Variants in TPR observed in about 807,000 individuals in gnomAD.
The protein encoded by TPR is translocated promoter region, nuclear basket protein.
In TPR, 51 loss-of-function variants were observed where a neutral mutation model predicts 316.1. The ratio of observed to expected loss-of-function variants is 0.16; its 90% confidence interval spans 0.13 to 0.20. The LOEUF is 0.20. TPR is among the 10% of genes least tolerant of loss of function. The pLI, the probability that TPR is intolerant of heterozygous loss-of-function variation, is 1.00. For missense variants in TPR, 2,272 were observed against 2,754.8 expected (o/e 0.82, Z 3.92); for synonymous variants, 981 against 914.7 (o/e 1.07, Z -1.31).
At chr1:186,374,176 G>A (rs978272442) in intron 1 of TPR, among the ~76,000 whole-genome samples, 3 of 151,846 alleles carry the variant, frequency 2.0e-5, no homozygotes, top group Admixed American at 6.6e-5. Context: ...ACACATTAAC[G>A]GGAAGTTTGT....
At position 186,318,518 on chromosome 1, in the gene TPR, A is replaced by AGTG; in HGVS notation, c.6747_6749dup (p.Thr2250dup). On this transcript the variant is annotated inframe_insertion, in exon 48 of 51. Coordinates refer to ENST00000367478, the MANE Select transcript of TPR (RefSeq NM_003292.3). Reference sequence around the variant, plus strand: ...TTGCTGTTTCATTTGTTGTAGATAAAGTGCCAGTGGATGTAGTCACCATTG... The same window carrying AGTG: ...TTGCTGTTTCATTTGTTGTAGATAAAGTGGTGCCAGTGGATGTAGTCACCATTG... The AGTG allele has an allele frequency of 6.2e-7, 1 of 1,614,128 alleles. No homozygotes were observed. Among genetic ancestry groups the AGTG allele is most frequent in the Non-Finnish European group, 8.5e-7 (1 of 1,180,022 alleles).
Position 186,335,504 on chromosome 1 carries a change from T to C in TPR, c.4745A>G (p.Lys1582Arg). ...DQLTKENEELKQRNGALDQQK... is the reference protein window; with the variant it reads ...DQLTKENEELRQRNGALDQQK... Reference sequence around the variant, plus strand: ...CTGATCTAAGGCTCCATTCCTTTGTTTAAGCTCCTCATTTTCTTTAGTTAG... The same window carrying C: ...CTGATCTAAGGCTCCATTCCTTTGTCTAAGCTCCTCATTTTCTTTAGTTAG... Residue 1582 changes from lysine to arginine, a missense_variant, in exon 34 of 51, where the codon AAA (lysine) becomes AGA (arginine). Lys to Arg is a conservative substitution (Grantham distance 26, BLOSUM62 2). This residue lies in a region of TPR where 109 missense variants were observed against 215.3 expected (regional missense o/e 0.51). Transcript: ENST00000367478. 3.1e-6 allele frequency: 5 copies of C among 1,610,282 alleles called. No individual in the cohort carries two copies. Among genetic ancestry groups the C allele is most frequent in the Non-Finnish European group, 4.2e-6 (5 of 1,178,456 alleles).
At position 186,343,462 on chromosome 1, in the gene TPR, C is replaced by T. The variant is rs1283219046; in HGVS notation, c.3614G>A (p.Arg1205Gln). Residue 1205 changes from arginine to glutamine, a missense_variant, in exon 27 of 51, where the codon CGA becomes CAA. By Grantham distance (43) the Arg-to-Gln change is conservative. Coordinates refer to ENST00000367478, the MANE Select transcript of TPR (RefSeq NM_003292.3). Reference protein sequence around the residue: ...QILEILRFIRREKEIAETRFE... With the variant: ...QILEILRFIRQEKEIAETRFE... ...CCTAGTTTCAGCAATTTCTTTTTCT[C>T]GTCGTATAAATCTACAAAAATACAG... The T allele has an allele frequency of 9.3e-6, 15 of 1,612,288 alleles. No individual in the cohort carries two copies. Among genetic ancestry groups the T allele is most frequent in the African/African-American group, 1.3e-5 (1 of 74,866 alleles).
rs1186844773 is a variant in TPR at position 186,353,810 on chromosome 1, C to G, written c.2212G>C (p.Glu738Gln). ...TTTCTCTCATGAAGTGATGTTATTT[C>G]TCGACGATATCCTTCAACATTATCT... Reference protein sequence around the residue: ...LQDNVEGYRREITSLHERNQK... With the variant: ...LQDNVEGYRRQITSLHERNQK... The change falls in exon 18 of 51, where the codon GAA (glutamate) becomes CAA (glutamine). Residue 738 changes from glutamate (E) to glutamine (Q), a missense_variant. By Grantham distance (29) the Glu-to-Gln change is conservative (BLOSUM62 2). Coordinates refer to ENST00000367478, the MANE Select transcript of TPR (RefSeq NM_003292.3). 6.2e-7 allele frequency: 1 copy of G among 1,613,906 alleles called. No individual in the cohort carries two copies. Among genetic ancestry groups the G allele is most frequent in the African/African-American group, 1.3e-5 (1 of 74,918 alleles).
rs746592032 is a variant in TPR, at chr1:186,375,012, T to G, written c.17A>C (p.Gln6Pro). 2 of 1,613,976 alleles carry G rather than the reference T, an allele frequency of 1.2e-6. No individual in the cohort carries two copies. Among genetic ancestry groups the G allele is most frequent in the Non-Finnish European group, 1.7e-6 (2 of 1,179,996 alleles). Residue 6 changes from glutamine (Q) to proline (P), a missense_variant, in exon 1 of 51, where the codon CAG becomes CCG. Physicochemically the swap from Gln to Pro is moderately conservative, Grantham distance 76 (BLOSUM62 -1). Transcript: ENST00000367478. The part of the protein sequence containing the change: MAAVL[Q>P]QVLERTELNK... ...CAGCTCCGTGCGCTCCAGGACTTGC[T>G]GCAACACCGCCGCCATGTCGGTGGG...
At position 186,362,934 on chromosome 1, in the gene TPR, T is replaced by G. The variant is rs186229244; in HGVS notation, c.599A>C (p.Glu200Ala). The G allele has an allele frequency of 1.5e-3, 2,375 of 1,611,762 alleles. 5 individuals are homozygous for G. The highest frequency in any genetic ancestry group is 2.9e-3 in the Admixed American group (173 of 59,738). Residue 200 changes from glutamate (E) to alanine (A), a missense_variant, in exon 6 of 51, where the codon GAG (glutamate) becomes GCG (alanine). Glu to Ala is a moderately radical substitution (Grantham distance 107). Around this residue, in one of 10 missense-constraint regions of TPR, gnomAD observed 549 missense variants for 598.6 expected, o/e 0.92. Transcript: ENST00000367478. Reference protein sequence around the residue: ...LHSQNTWLNTELKTKTDELLA... With the variant: ...LHSQNTWLNTALKTKTDELLA... ...AAGTTCATCAGTTTTGGTTTTCAAC[T>G]CTGTATTCAGCCATGTATTCTGACT...
rs1002872612 is a variant in TPR at position 186,362,975 on chromosome 1, T to C, written c.558A>G (p.Glu186=). The C allele has an allele frequency of 1.9e-6, 3 of 1,604,610 alleles. No individual in the cohort carries two copies. In the African/African-American group the frequency reaches 4.0e-5, roughly 22 times the overall value. ...TATTCTGACTATGTAGCAATTCCTT[T>C]TCTTGCTCCAAGCGTTTTTCTCGAT... The part of the protein sequence containing the change: ...VKYREKRLEQ[E]KELLHSQNTW... Residue 186 remains glutamate (E), a synonymous_variant, in exon 6 of 51, where the codon GAA becomes GAG. Transcript: ENST00000367478.
At position 186,331,622 on chromosome 1, in the gene TPR, G is replaced by A. The variant is rs1456857425; in HGVS notation, c.5605-41C>T. The A allele has an allele frequency of 1.1e-5, 15 of 1,324,622 alleles. No individual in the cohort carries two copies. The South Asian group carries it at 1.8e-4, about 16-fold the overall frequency. The allele number at this position is 1,324,622 out of a possible 1,614,324, so 82.1% of individuals were successfully genotyped here. A position where few individuals can be genotyped will look rare whatever the true frequency, so the allele number is the denominator to read the frequency against. ...CTAATATATTAACCATATCAGTGTA[G>A]TAGATGAAGGGTTACCTGTTTTTGT... On this transcript the variant is annotated intron_variant, in intron 38 of 50. Coordinates refer to ENST00000367478, the MANE Select transcript of TPR (RefSeq NM_003292.3).
rs1416409130 is a variant in TPR at position 186,350,271 on chromosome 1, T to A, written c.2728A>T (p.Asn910Tyr). Residue 910 changes from asparagine to tyrosine, a missense_variant, in exon 21 of 51, where the codon AAT becomes TAT. Physicochemically the swap from Asn to Tyr is moderately radical, Grantham distance 143 (BLOSUM62 -2). This residue lies in a region of TPR where 757 missense variants were observed against 859.8 expected (regional missense o/e 0.88). Transcript: ENST00000367478. Reference protein sequence around the residue: ...EIATLKQHLSNMEVQVASQSS... With the variant: ...EIATLKQHLSYMEVQVASQSS... ...TGAGAAGCAACTTGGACTTCCATAT[T>A]ACTGAGGTGCTGTTTCAATGTGGCA... 6.2e-7 allele frequency: 1 copy of A among 1,613,736 alleles called. No individual in the cohort carries two copies. Among genetic ancestry groups the A allele is most frequent in the Admixed American group, 1.7e-5 (1 of 59,992 alleles).
At chr1:186,315,238 A>G (rs1050176440) in intron 49 of TPR, among the ~76,000 whole-genome samples, 5 of 151,796 alleles carry the variant, frequency 3.3e-5, no homozygotes, top group African/African-American at 1.2e-4. Context: ...ACAAAAAAAA[A>G]ACACCAAAAA....
chr1:186,313,892 A>T lies in TPR; in HGVS notation c.*79T>A. The T allele has an allele frequency of 6.5e-7, 1 of 1,528,052 alleles. No homozygotes were observed. Among genetic ancestry groups the T allele is most frequent in the Non-Finnish European group, 9.1e-7 (1 of 1,103,928 alleles). The allele number at this position is 1,528,052 out of a possible 1,614,324, so 94.7% of individuals were successfully genotyped here. On this transcript the variant is annotated 3_prime_UTR_variant, in exon 51 of 51. Transcript: ENST00000367478. ...ATGAGTATACCAGTTTATATATAAA[A>T]ATGTTTTTAAACTTGACAATCATTA...
chr1:186,352,224 G>A lies in TPR; in HGVS notation c.2335-114C>T, dbSNP rs1658883537. ...ACTACTTTTTTTTAATGCTCTTAGGGACTATATCTCCTCATTGTATAAGGA... is the reference window on the plus strand; with the variant it reads ...ACTACTTTTTTTTAATGCTCTTAGGAACTATATCTCCTCATTGTATAAGGA... On this transcript the variant is annotated intron_variant, in intron 18 of 50. Coordinates refer to ENST00000367478, the MANE Select transcript of TPR (RefSeq NM_003292.3). The A allele has an allele frequency of 3.3e-5, 31 of 937,192 alleles. No individual in the cohort carries two copies. In the East Asian group the frequency reaches 8.1e-4, roughly 25 times the overall value. 58.1% of individuals were successfully genotyped at this position (937,192 alleles called of 1,614,324 possible).
intron 17 of TPR, among the ~76,000 whole-genome samples, chr1:186,354,670 TA>T (rs1481923976): frequency 6.6e-6 from 1 of 152,150 alleles, no homozygotes; most frequent in African/African-American, 2.4e-5. Flanking sequence ...TAATAACAAA[TA>T]ATCATGAAAT....
At position 186,339,713 on chromosome 1, in the gene TPR, T is replaced by G; in HGVS notation, c.4080A>C (p.Glu1360Asp). The change falls in exon 30 of 51, where the codon GAA becomes GAC. Residue 1360 changes from glutamate to aspartate, a missense_variant. Physicochemically the swap from Glu to Asp is conservative, Grantham distance 45. This residue lies in a region of TPR where 96 missense variants were observed against 134.6 expected (regional missense o/e 0.71). Transcript: ENST00000367478. Reference sequence around the variant, plus strand: ...GAATACGCTTAGTATGAACTTCCTTTTCAGAAAGGAGCTTCCGATATTCTT... The same window carrying G: ...GAATACGCTTAGTATGAACTTCCTTGTCAGAAAGGAGCTTCCGATATTCTT... Reference protein sequence around the residue: ...DTEEYRKLLSEKEVHTKRIQQ... With the variant: ...DTEEYRKLLSDKEVHTKRIQQ... 1.2e-6 allele frequency: 2 copies of G among 1,604,830 alleles called. No individual in the cohort carries two copies. The highest frequency in any genetic ancestry group is 1.7e-6 in the Non-Finnish European group (2 of 1,175,600).
intron 42 of TPR, chr1:186,325,385 C>T (rs1211323396): frequency 6.2e-6 from 1 of 161,504 alleles, no homozygotes; most frequent in African/African-American, 2.4e-5. Context: ...GACCATACTG[C>T]AAAGCTCCAA....
At position 186,362,338 on chromosome 1, in the gene TPR, T is replaced by C. The variant is rs1435422042; in HGVS notation, c.739A>G (p.Asn247Asp). Residue 247 changes from asparagine to aspartate, a missense_variant, in exon 7 of 51, where the codon AAT (asparagine) becomes GAT (aspartate). Physicochemically the swap from Asn to Asp is conservative, Grantham distance 23. Transcript: ENST00000367478. The stretch of plus-strand genomic sequence containing the variant: ...TCCACATGCTTTTGAAGATGTTCAT[T>C]TGATGTTTTTAAGCCATTCATTTGT... ...EEQMNGLKTS[N>D]EHLQKHVEDL... is the part of the protein sequence containing the mutation. The C allele has an allele frequency of 2.5e-6, 4 of 1,612,430 alleles. No homozygotes were observed. The highest frequency in any genetic ancestry group is 3.4e-6 in the Non-Finnish European group (4 of 1,178,880).
At chr1:186,347,523 A>G (rs1379184046) in intron 21 of TPR, 65 bp from the exon 22 acceptor site, 8 of 1,517,094 alleles carry the variant, frequency 5.3e-6, no homozygotes, top group Middle Eastern at 1.7e-4. Flanking sequence ...ACTGTTATAA[A>G]GAGCTTATGA....
At chr1:186,362,199 A>G in intron 7 of TPR, 89 bp downstream of exon 7, 1 of 1,090,728 alleles carries the variant, frequency 9.2e-7, no homozygotes, top group Non-Finnish European at 1.4e-6. Flanking sequence ...GGCCAAGGAC[A>G]GATTAAAAAA....
intron 20 of TPR, among the ~76,000 whole-genome samples, chr1:186,350,731 G>C (rs1658835928): frequency 6.6e-6 from 1 of 152,192 alleles, no homozygotes; most frequent in African/African-American, 2.4e-5. Flanking sequence ...AAATTTGTAA[G>C]ACAGAATATA....
Sources: allele counts gnomAD v4.1 joint callset (sites outside exome capture counted in the v4.1 genomes callset), GRCh38; gene constraint gnomAD v4.1.1; regional missense constraint gnomAD v4.1.1; transcripts MANE v1.5; gene names NCBI Gene and HGNC (gene_info 2026-07-23, HGNC 2026-07-21).